Variants in SPAG9 observed in about 807,000 individuals in gnomAD.
SPAG9 encodes sperm associated antigen 9.
Under a neutral mutation model 166.5 loss-of-function variants are expected in SPAG9, and 35 were observed. The ratio of observed to expected loss-of-function variants is 0.21; its 90% confidence interval spans 0.16 to 0.28. The LOEUF (loss-of-function observed/expected upper bound fraction) is 0.28, where lower values mean the gene tolerates loss of function less well. Among genes scored for constraint, SPAG9 ranks in the 10% least tolerant of loss-of-function variants. The pLI is 1.00. For missense variants in SPAG9, 1,235 were observed against 1,603.3 expected, an observed-to-expected ratio of 0.77 and a Z score of 3.92; for synonymous variants, 534 against 565.5, an observed-to-expected ratio of 0.94 and a Z score of 0.79.
At chr17:50,999,056 C>G (rs1360874011) in intron 14 of SPAG9, among the ~76,000 whole-genome samples, 1 of 152,180 alleles carries the variant, frequency 6.6e-6, no homozygotes, top group African/African-American at 2.4e-5. Context: ...AGTACTGGAA[C>G]ACATATTACC....
At chr17:51,109,656 T>C (rs531997052) in intron 1 of SPAG9, among the ~76,000 whole-genome samples, 5 of 152,208 alleles carry the variant, frequency 3.3e-5, no homozygotes, top group Non-Finnish European at 5.9e-5. Context: ...TGACACATAC[T>C]GTGCTCTTAA....
At chr17:51,118,337 TAG>T (rs1555665351) in intron 1 of SPAG9, among the ~76,000 whole-genome samples, 2 of 152,200 alleles carry the variant, frequency 1.3e-5, no homozygotes, top group African/African-American at 2.4e-5. Flanking sequence ...CTATTTTTTT[TAG>T]AGTCATTTAC....
chr17:51,088,062 G>C (rs1297990523), intron 1 of SPAG9, among the ~76,000 whole-genome samples: 3 of 152,106 alleles, frequency 2.0e-5, no homozygotes, highest in Non-Finnish European at 4.4e-5. Context: ...TCTTTTTAAA[G>C]TCTTCTTGAT....
In SPAG9 at chr17:50,963,744, C is replaced by T. The variant is rs1973221270; in HGVS notation, c.*2528G>A. ...ACTTCTTGGGATTAAAATTCCCAAA[C>T]ACTTTGGTGTCTCTTTCTTGTGAAT... On this transcript the variant is annotated 3_prime_UTR_variant, in exon 30 of 30. Transcript: ENST00000262013. The T allele has an allele frequency of 6.6e-6, 1 of 152,220 alleles. No individual in the cohort carries two copies. Among genetic ancestry groups the T allele is most frequent in the African/African-American group, 2.4e-5 (1 of 41,452 alleles). 9.4% of individuals were successfully genotyped at this position (152,220 alleles called of 1,614,324 possible).
intron 22 of SPAG9, 49 bp downstream of exon 22, chr17:50,987,063 A>C: frequency 6.4e-7 from 1 of 1,552,946 alleles, no homozygotes; most frequent in Non-Finnish European, 8.7e-7. Context: ...CTGATTTCAA[A>C]AGCAAAAGTA....
intron 15 of SPAG9, among the ~76,000 whole-genome samples, chr17:50,997,002 C>T (rs1184750881): frequency 2.0e-5 from 3 of 152,088 alleles, no homozygotes; most frequent in African/African-American, 7.2e-5. Context: ...TAGCCAGGCA[C>T]GGTAGTGCGG....
chr17:51,084,827 A>C (rs533795936), intron 1 of SPAG9, among the ~76,000 whole-genome samples: 1 of 152,084 alleles, frequency 6.6e-6, no homozygotes, highest in East Asian at 1.9e-4. Flanking sequence ...TGCTAACAAA[A>C]AATTTTACCA....
intron 3 of SPAG9, among the ~76,000 whole-genome samples, chr17:51,049,691 T>A (rs1452886436): frequency 6.6e-6 from 1 of 152,066 alleles, no homozygotes; most frequent in African/African-American, 2.4e-5. Context: ...TTGCAATCTC[T>A]GCCTCCCACA....
chr17:51,006,193 T>A lies in SPAG9; in HGVS notation c.1316A>T (p.Asp439Val). The A allele has an allele frequency of 6.2e-7, 1 of 1,614,224 alleles. No homozygotes were observed. The highest frequency in any genetic ancestry group is 1.6e-4 in the Middle Eastern group (1 of 6,062). The change falls in exon 11 of 30, where the codon GAT becomes GTT. Residue 439 changes from aspartate (D) to valine (V), a missense_variant. Physicochemically the swap from Asp to Val is radical, Grantham distance 152 (BLOSUM62 -3). Coordinates refer to ENST00000262013, the MANE Select transcript of SPAG9 (RefSeq NM_001130528.3). ...IVKNDLIAKV[D>V]ELTCEKDVLQ... is the part of the protein sequence containing the mutation. ...CACATCTTTCTCACAGGTCAGTTCA[T>A]CCACTTTTGCTATCAAATCATTCTT... is the stretch of plus-strand genomic sequence containing the variant.
chr17:51,061,785 T>G (rs1273714269), intron 2 of SPAG9, among the ~76,000 whole-genome samples: 1 of 152,162 alleles, frequency 6.6e-6, no homozygotes, highest in Non-Finnish European at 1.5e-5. Context: ...TTTGTTCTCC[T>G]TAAGCATTTT....
At chr17:51,010,584 T>A (rs201742934) in intron 9 of SPAG9, among the ~76,000 whole-genome samples, 3,719 of 127,418 alleles carry the variant, frequency 0.029, 57 homozygotes, top group East Asian at 0.066. Flanking sequence ...AAAAAAAAAA[T>A]ATATATATAT....
chr17:51,034,101 A>G (rs1164264802), intron 5 of SPAG9, among the ~76,000 whole-genome samples: 1 of 152,226 alleles, frequency 6.6e-6, no homozygotes, highest in Non-Finnish European at 1.5e-5. Flanking sequence ...ACATGAAGAT[A>G]TATGTGAGGA....
chr17:51,066,065 A>G (rs1173833000), intron 2 of SPAG9, among the ~76,000 whole-genome samples: 1 of 152,112 alleles, frequency 6.6e-6, no homozygotes, highest in Non-Finnish European at 1.5e-5. Flanking sequence ...AATCCTCTTA[A>G]AAGTTAGCAT....
At chr17:50,999,599 A>C in intron 14 of SPAG9, 62 bp downstream of exon 14, 2 of 1,518,554 alleles carry the variant, frequency 1.3e-6, no homozygotes, top group Non-Finnish European at 9.0e-7. Context: ...CTTGGAAATA[A>C]ATTTTGACTG....
At chr17:50,989,893 T>C (rs749400722) in intron 20 of SPAG9, 21 bp from the exon 21 acceptor site, 8 of 1,607,006 alleles carry the variant, frequency 5.0e-6, no homozygotes, top group Non-Finnish European at 6.8e-6. Context: ...AATAAAACAC[T>C]ATTCCAAGTC....
chr17:51,088,871 G>T (rs1350432416), intron 1 of SPAG9, among the ~76,000 whole-genome samples: 1 of 151,682 alleles, frequency 6.6e-6, no homozygotes, highest in Admixed American at 6.6e-5. Flanking sequence ...GAGGCAGGTG[G>T]GTCATGTGGT....
rs1180594135 is a variant in SPAG9 at position 51,092,649 on chromosome 17, C to T, written c.304-12945G>A. Among the ~76,000 whole-genome samples, 3 of 150,580 alleles carry T rather than the reference C, an allele frequency of 2.0e-5. No homozygotes were observed. In the East Asian group the frequency reaches 5.9e-4, roughly 29 times the overall value. On this transcript the variant is annotated intron_variant, in intron 1 of 29. Transcript: ENST00000262013. ...ATTGGTTTGGCCAGGCACAGTGGCT[C>T]ACGCCTGTAATCTCAGTGCTTTGGG...
chr17:51,040,038 C>T (rs1183463362), intron 5 of SPAG9, among the ~76,000 whole-genome samples: 1 of 152,044 alleles, frequency 6.6e-6, no homozygotes, highest in Non-Finnish European at 1.5e-5. Flanking sequence ...AGTTCGAGGT[C>T]AGCCTGACCA....
At chr17:51,061,612 CAAAA>C (rs34010166) in intron 2 of SPAG9, among the ~76,000 whole-genome samples, 15 of 31,726 alleles carry the variant, frequency 4.7e-4, no homozygotes, top group South Asian at 3.6e-3. Context: ...GCTCTGTCTC[CAAAA>C]AAAAAAAAAA....
Sources: allele counts gnomAD v4.1 joint callset (sites outside exome capture counted in the v4.1 genomes callset), GRCh38; gene constraint gnomAD v4.1.1; transcripts MANE v1.5; gene names NCBI Gene and HGNC (gene_info 2026-07-23, HGNC 2026-07-21).